Variants in FAAH2 observed in about 807,000 individuals in gnomAD.
The protein encoded by FAAH2 is fatty acid amide hydrolase 2.
In FAAH2, 60 loss-of-function variants were observed where a neutral mutation model predicts 36.9. The ratio of observed to expected loss-of-function variants is 1.63; its 90% CI spans 1.32 to 2.02. The LOEUF (loss-of-function observed/expected upper bound fraction) is 2.02, where lower values mean the gene tolerates loss of function less well. Among genes scored for constraint, FAAH2 ranks in the 30% most tolerant of loss-of-function variants. The pLI, the probability that FAAH2 is intolerant of heterozygous loss-of-function variation, is 0.00. For missense variants in FAAH2, 689 were observed against 397.5 expected, an observed-to-expected ratio of 1.73 and a Z score of -6.23; for synonymous variants, 214 against 143.8, an observed-to-expected ratio of 1.49 and a Z score of -3.49.
intron 8 of FAAH2, among the ~76,000 whole-genome samples, chrX:57,446,480 T>C (rs5960980): frequency 0.35 from 38,293 of 110,645 alleles, 5,361 homozygotes; most frequent in Middle Eastern, 0.64. Flanking sequence ...ATGTAATGGA[T>C]TTTAGTACAT....
the FAAH2 span, among the ~76,000 whole-genome samples, chrX:57,248,034 C>T: frequency 7.1e-5 from 8 of 112,148 alleles, no homozygotes; most frequent in Non-Finnish European, 5.6e-5. Flanking sequence ...CATGAACAGG[C>T]ACTCTTCCAA....
At chrX:57,431,521 A>G (rs746262722) in intron 7 of FAAH2, among the ~76,000 whole-genome samples, 4 of 111,373 alleles carry the variant, frequency 3.6e-5, no homozygotes, top group Admixed American at 9.6e-5. Flanking sequence ...CTGTCCCCAG[A>G]GAAGCTAGAA....
the FAAH2 span, among the ~76,000 whole-genome samples, chrX:57,169,870 A>ACG: frequency 1.0e-5 from 1 of 95,987 alleles, no homozygotes; most frequent in African/African-American, 4.3e-5. Flanking sequence ...CTCCTTCTAA[A>ACG]CACACACACA....
chrX:57,238,178 C>T, the FAAH2 span, among the ~76,000 whole-genome samples: 13 of 111,663 alleles, frequency 1.2e-4, no homozygotes, highest in African/African-American at 4.2e-4. Flanking sequence ...AATTTTTCTG[C>T]CATAAAACAT....
intron 7 of FAAH2, among the ~76,000 whole-genome samples, chrX:57,412,193 C>G (rs1235912892): frequency 9.0e-6 from 1 of 111,546 alleles, no homozygotes; most frequent in Non-Finnish European, 1.9e-5. Context: ...TGATACCAAA[C>G]ACTAGATTTT....
chrX:57,440,096 G>C (rs1397169260), intron 8 of FAAH2, among the ~76,000 whole-genome samples: 1 of 111,296 alleles, frequency 9.0e-6, no homozygotes, highest in East Asian at 2.8e-4. Flanking sequence ...CTCTTTTTTG[G>C]TTACATATGA....
At chrX:57,441,976 G>A (rs1467225544) in intron 8 of FAAH2, among the ~76,000 whole-genome samples, 1 of 111,954 alleles carries the variant, frequency 8.9e-6, no homozygotes, top group Non-Finnish European at 1.9e-5. Flanking sequence ...CTGAGAGACA[G>A]TTTGTTATAA....
At chrX:57,330,676 G>A (rs867377890) in intron 3 of FAAH2, among the ~76,000 whole-genome samples, 2 of 111,469 alleles carry the variant, frequency 1.8e-5, no homozygotes, top group South Asian at 7.6e-4. Context: ...GGAACCTACC[G>A]ACATGTGATG....
chrX:57,205,310 C>T, the FAAH2 span, among the ~76,000 whole-genome samples: 3 of 112,356 alleles, frequency 2.7e-5, no homozygotes, highest in Admixed American at 1.9e-4. Flanking sequence ...AAATGTCTAG[C>T]GTTAAATATT....
At chrX:57,324,080 C>T (rs1426059751) in intron 3 of FAAH2, among the ~76,000 whole-genome samples, 5 of 111,888 alleles carry the variant, frequency 4.5e-5, no homozygotes, top group African/African-American at 1.6e-4. Flanking sequence ...TTTCCCAGCA[C>T]CATTTATTAA....
the FAAH2 span, among the ~76,000 whole-genome samples, chrX:57,181,508 G>T: frequency 2.7e-5 from 3 of 110,836 alleles, no homozygotes; most frequent in Non-Finnish European, 5.7e-5. Flanking sequence ...AAATACCTAG[G>T]CATACAGCTA....
the FAAH2 span, among the ~76,000 whole-genome samples, chrX:57,208,301 C>G: frequency 8.9e-6 from 1 of 112,388 alleles, no homozygotes; most frequent in African/African-American, 3.2e-5. Flanking sequence ...GCTCTGTCAT[C>G]TCTTCTGTTA....
At chrX:57,335,619 G>A (rs372441815) in intron 4 of FAAH2, among the ~76,000 whole-genome samples, 2 of 112,257 alleles carry the variant, frequency 1.8e-5, no homozygotes, top group East Asian at 2.8e-4. Context: ...CCAGGGATGA[G>A]CAGGAGACAG....
At chrX:57,398,159 C>A (rs1170008719) in intron 7 of FAAH2, among the ~76,000 whole-genome samples, 1 of 111,780 alleles carries the variant, frequency 8.9e-6, no homozygotes, top group Non-Finnish European at 1.9e-5. Context: ...GGTATATACC[C>A]AAAGGATTAT....
At chrX:57,389,359 A>G (rs373770964) in intron 7 of FAAH2, among the ~76,000 whole-genome samples, 1 of 105,668 alleles carries the variant, frequency 9.5e-6, no homozygotes, top group Non-Finnish European at 1.9e-5. Flanking sequence ...CCTCTGACCA[A>G]TATAGCTTTA....
At chrX:57,482,591 C>T (rs1164657449) in intron 10 of FAAH2, among the ~76,000 whole-genome samples, 1 of 109,813 alleles carries the variant, frequency 9.1e-6, no homozygotes, top group African/African-American at 3.3e-5. Flanking sequence ...CCAGTCCCTA[C>T]GAGATGAACT....
intron 10 of FAAH2, among the ~76,000 whole-genome samples, chrX:57,481,837 C>T (rs1024293802): frequency 1.8e-5 from 2 of 112,057 alleles, no homozygotes; most frequent in South Asian, 3.7e-4. Flanking sequence ...TGATGAAATC[C>T]GCTGAAGCTG....
the FAAH2 span, among the ~76,000 whole-genome samples, chrX:57,232,688 A>G: frequency 1.6e-4 from 18 of 112,178 alleles, no homozygotes; most frequent in East Asian, 4.8e-3. Context: ...CTTCATAGGT[A>G]CAATCCATTA....
At chrX:57,191,150 G>A in the FAAH2 span, among the ~76,000 whole-genome samples, 1 of 111,682 alleles carries the variant, frequency 9.0e-6, no homozygotes, top group Non-Finnish European at 1.9e-5. Flanking sequence ...ACCAGCATTT[G>A]TTATTGCCTG....
Sources: gnomAD v4.1 joint callset for allele counts (sites outside exome capture counted in the v4.1 genomes callset) on GRCh38, gnomAD v4.1.1 for gene constraint, MANE v1.5 for transcripts, NCBI Gene and HGNC (gene_info 2026-07-23, HGNC 2026-07-21) for gene names.